RYR2: variants seen among roughly 807,000 people sequenced by gnomAD.
The protein encoded by RYR2 is cardiac muscle ryanodine receptor-calcium release channel.
A neutral mutation model predicts 601.1 loss-of-function variants in RYR2; 227 were observed. The observed-to-expected ratio is 0.38, with a 90% CI of 0.34 to 0.42. RYR2 has a LOEUF of 0.42. Among genes scored for constraint, RYR2 ranks in the 10% least tolerant of loss-of-function variants. The pLI, the probability that RYR2 is intolerant of heterozygous loss-of-function variation, is 1.00. For missense variants in RYR2, 4,646 were observed against 6,156.5 expected, an observed-to-expected ratio of 0.75 and a Z score of 8.21; for synonymous variants, 2,223 against 2,175.1, an observed-to-expected ratio of 1.02 and a Z score of -0.61.
chr1:237,183,942 G>C (rs563117227), intron 1 of RYR2, among the ~76,000 whole-genome samples: 2 of 152,292 alleles, frequency 1.3e-5, no homozygotes, highest in South Asian at 4.1e-4. Context: ...AATTTCCCGA[G>C]AAGTCAATAG....
intron 1 of RYR2, among the ~76,000 whole-genome samples, chr1:237,219,721 C>T (rs1228978365): frequency 1.3e-5 from 2 of 152,266 alleles, no homozygotes; most frequent in South Asian, 2.1e-4. Flanking sequence ...GAGATGATAA[C>T]ACTTTCCTAA....
At chr1:237,816,322 C>G (rs2149470941) in intron 100 of RYR2, among the ~76,000 whole-genome samples, 1 of 152,304 alleles carries the variant, frequency 6.6e-6, no homozygotes, top group East Asian at 1.9e-4. Flanking sequence ...AGGAAAGAAG[C>G]TGTGTTAACC....
intron 1 of RYR2, among the ~76,000 whole-genome samples, chr1:237,190,962 T>C (rs572676935): frequency 1.3e-5 from 2 of 152,372 alleles, no homozygotes; most frequent in Admixed American, 6.5e-5. Flanking sequence ...CCTACGCTTT[T>C]GGTGTCGTAT....
At chr1:237,265,497 T>C (rs1201002452) in intron 1 of RYR2, among the ~76,000 whole-genome samples, 1 of 151,956 alleles carries the variant, frequency 6.6e-6, no homozygotes, top group Non-Finnish European at 1.5e-5. Context: ...AATTTTTGTA[T>C]TTTTAGTAGA....
At chr1:237,593,702 CT>C in intron 33 of RYR2, 66 bp downstream of exon 33, 2 of 1,501,890 alleles carry the variant, frequency 1.3e-6, no homozygotes, top group Non-Finnish European at 1.8e-6. Flanking sequence ...CTAGCTATTC[CT>C]TTTCCTTGTA....
At chr1:237,818,892 T>C in intron 100 of RYR2, 144 bp from the exon 101 acceptor site, 1 of 677,336 alleles carries the variant, frequency 1.5e-6, no homozygotes, top group Middle Eastern at 3.2e-4. Context: ...CAACTAGAAA[T>C]ACTGAAACAA....
At chr1:237,357,742 C>T (rs1699423501) in intron 4 of RYR2, among the ~76,000 whole-genome samples, 1 of 152,114 alleles carries the variant, frequency 6.6e-6, no homozygotes, top group Non-Finnish European at 1.5e-5. Flanking sequence ...AAGTGACTGG[C>T]TTTATAATCT....
At chr1:237,361,440 G>A (rs986421768) in intron 4 of RYR2, among the ~76,000 whole-genome samples, 1 of 152,094 alleles carries the variant, frequency 6.6e-6, no homozygotes, top group South Asian at 2.1e-4. Flanking sequence ...TGGCGAAAAG[G>A]CTTAAATTTG....
intron 24 of RYR2, among the ~76,000 whole-genome samples, chr1:237,527,359 T>G (rs1031459274): frequency 6.6e-6 from 1 of 152,248 alleles, no homozygotes; most frequent in Non-Finnish European, 1.5e-5. Flanking sequence ...CAGAAACATC[T>G]GGAATAATGT....
intron 10 of RYR2, among the ~76,000 whole-genome samples, chr1:237,409,818 T>C (rs894281973): frequency 6.6e-6 from 1 of 152,194 alleles, no homozygotes; most frequent in Non-Finnish European, 1.5e-5. Flanking sequence ...AATTATAATA[T>C]GAATTGGCAA....
chr1:237,124,142 C>T (rs1334273590), intron 1 of RYR2, among the ~76,000 whole-genome samples: 1 of 152,170 alleles, frequency 6.6e-6, no homozygotes, highest in Non-Finnish European at 1.5e-5. Flanking sequence ...AAAAAGCTGG[C>T]ATCTTGCCAT....
chr1:237,352,914 T>TA (rs1276258311), intron 3 of RYR2: 1 of 501,326 alleles, frequency 2.0e-6, no homozygotes, highest in African/African-American at 1.9e-5. Context: ...CCATCTTACA[T>TA]AAAAAATCAA....
intron 98 of RYR2, among the ~76,000 whole-genome samples, chr1:237,804,194 C>A (rs1660336423): frequency 6.6e-6 from 1 of 151,872 alleles, no homozygotes; most frequent in Non-Finnish European, 1.5e-5. Flanking sequence ...CACAAATGTC[C>A]TTGAACTTGC....
rs556644298 is a variant in RYR2 at position 237,831,473 on chromosome 1, T to C, written c.14757-41T>C. On this transcript the variant is annotated intron_variant, in intron 103 of 104. Coordinates refer to ENST00000366574, the MANE Select transcript of RYR2 (RefSeq NM_001035.3). Reference sequence around the variant, plus strand: ...AATATGCCCTGTTTATCCTAATATTTCCATACCGTTCATTTCTGATCAGTT... The same window carrying C: ...AATATGCCCTGTTTATCCTAATATTCCCATACCGTTCATTTCTGATCAGTT... The C allele has an allele frequency of 1.3e-5, 14 of 1,093,668 alleles. No individual in the cohort carries two copies. In the South Asian group the frequency reaches 1.7e-4, roughly 14 times the overall value. 67.7% of individuals were successfully genotyped at this position (1,093,668 alleles called of 1,614,324 possible).
chr1:237,147,269 G>A lies in RYR2; in HGVS notation c.48+104700G>A, dbSNP rs779259016. Among the ~76,000 whole-genome samples the A allele has an allele frequency of 6.6e-5, 10 of 152,178 alleles. No homozygotes were observed. In the South Asian group the frequency reaches 8.3e-4, roughly 13 times the overall value. On this transcript the variant is annotated intron_variant, in intron 1 of 104. Transcript: ENST00000366574. ...ATTTTTAGTTTGGGTTAATAATTAA[G>A]CAGATAAGTGAGAACTTTGTTAGTC...
At position 237,367,945 on chromosome 1, in the gene RYR2, G is replaced by A. The variant is rs148109466; in HGVS notation, c.310-1589G>A. 7.1e-3 allele frequency among the ~76,000 whole-genome samples: 1,081 copies of A among 152,292 alleles called. 13 individuals are homozygous for A. The highest frequency in any genetic ancestry group is 8.7e-3 in the Non-Finnish European group (595 of 68,028). On this transcript the variant is annotated intron_variant, in intron 5 of 104. Coordinates refer to ENST00000366574, the MANE Select transcript of RYR2 (RefSeq NM_001035.3). ...GAGGTGAAATGATAATCAGGACAGCGTCATTGTCCTTCAGGAGTTTTCAGT... is the reference window on the plus strand; with the variant it reads ...GAGGTGAAATGATAATCAGGACAGCATCATTGTCCTTCAGGAGTTTTCAGT...
intron 88 of RYR2, among the ~76,000 whole-genome samples, chr1:237,780,939 T>C (rs1695054124): frequency 6.6e-6 from 1 of 152,168 alleles, no homozygotes; most frequent in African/African-American, 2.4e-5. Context: ...AAATAAAAGA[T>C]AAGATAGATG....
At chr1:237,792,368 TGTGTGTGTGTGTGC>T (rs1378674036) in intron 94 of RYR2, 45 bp downstream of exon 94, 12 of 928,530 alleles carry the variant, frequency 1.3e-5, no homozygotes, top group East Asian at 2.7e-5. Flanking sequence ...TGTGTGTGTG[TGTGTGTGTGTGTGC>T]GTGTGTGTGT....
intron 1 of RYR2, among the ~76,000 whole-genome samples, chr1:237,140,414 GT>G (rs1301709492): frequency 6.6e-6 from 1 of 152,222 alleles, no homozygotes; most frequent in Non-Finnish European, 1.5e-5. Flanking sequence ...CACAAATTAA[GT>G]TGTGACTAGT....
Sources: allele counts gnomAD v4.1 joint callset (sites outside exome capture counted in the v4.1 genomes callset), GRCh38; gene constraint gnomAD v4.1.1; transcripts MANE v1.5; gene names NCBI Gene and HGNC (gene_info 2026-07-23, HGNC 2026-07-21).